Variants in DLG1 observed in about 807,000 individuals in gnomAD.
DLG1 encodes the protein discs large MAGUK scaffold protein 1.
DLG1 carries 42 observed loss-of-function variants against 123.4 expected under a neutral mutation model. That is an observed-to-expected ratio of 0.34 (90% CI 0.27 to 0.44). The LOEUF is 0.44. Among genes scored for constraint, DLG1 ranks in the 20% least tolerant of loss-of-function variants. DLG1 has a pLI of 1.00. For missense variants in DLG1, 942 were observed against 1,082.6 expected (o/e 0.87, Z 1.82); for synonymous variants, 317 against 356.2 (o/e 0.89, Z 1.24).
chr3:197,080,587 G>C (rs1331954483), intron 17 of DLG1: 1 of 151,606 alleles, frequency 6.6e-6, no homozygotes, highest in African/African-American at 2.5e-5. Context: ...TCAGCCTCCC[G>C]AGTAGCTGGG....
intron 3 of DLG1, chr3:197,293,823 C>T (rs1035420796): frequency 2.1e-4 from 33 of 153,794 alleles, no homozygotes; most frequent in African/African-American, 8.0e-4. Context: ...TGACTCCAAA[C>T]AGCTCAGGTG....
chr3:197,112,220 T>C (rs1282825770), intron 13 of DLG1, among the ~76,000 whole-genome samples: 1 of 152,234 alleles, frequency 6.6e-6, no homozygotes, highest in African/African-American at 2.4e-5. Context: ...TACCTATTTT[T>C]ATCTAGGCAT....
At chr3:197,271,401 T>C (rs1340490385) in intron 4 of DLG1, among the ~76,000 whole-genome samples, 1 of 152,202 alleles carries the variant, frequency 6.6e-6, no homozygotes. Flanking sequence ...GGAAGCATCC[T>C]TGTATTAGTT....
At chr3:197,243,605 C>CT (rs140834694) in intron 4 of DLG1, among the ~76,000 whole-genome samples, 66 of 148,780 alleles carry the variant, frequency 4.4e-4, no homozygotes, top group South Asian at 1.7e-3. Context: ...GACTCCACCT[C>CT]TTTTTTTTTT....
At chr3:197,109,343 G>A (rs983507534) in intron 13 of DLG1, among the ~76,000 whole-genome samples, 9 of 152,186 alleles carry the variant, frequency 5.9e-5, no homozygotes, top group Non-Finnish European at 1.2e-4. Context: ...TCCAGCCTGG[G>A]GGACAGAGTG....
intron 24 of DLG1, among the ~76,000 whole-genome samples, chr3:197,047,541 G>A (rs1351131638): frequency 3.3e-5 from 5 of 150,908 alleles, no homozygotes; most frequent in African/African-American, 1.2e-4. Context: ...ACTTGAGGAG[G>A]AAGTTAAAGG....
intron 5 of DLG1, among the ~76,000 whole-genome samples, chr3:197,170,666 A>T (rs986057069): frequency 3.3e-5 from 5 of 151,962 alleles, no homozygotes; most frequent in African/African-American, 1.2e-4. Context: ...GTTTGCAAAA[A>T]TTTTCTTCCA....
chr3:197,046,702 T>A (rs1202420398), intron 24 of DLG1, among the ~76,000 whole-genome samples: 1 of 152,016 alleles, frequency 6.6e-6, no homozygotes, highest in African/African-American at 2.4e-5. Context: ...AAATCCTGTC[T>A]CTACAAAAAA....
At chr3:197,202,580 A>C (rs1417826019) in intron 4 of DLG1, among the ~76,000 whole-genome samples, 1 of 152,228 alleles carries the variant, frequency 6.6e-6, no homozygotes, top group African/African-American at 2.4e-5. Context: ...CAGAAATACA[A>C]ATAAACTTTT....
chr3:197,105,087 A>G (rs1489994772), intron 13 of DLG1, 82 bp from the exon 14 acceptor site: 6 of 854,398 alleles, frequency 7.0e-6, no homozygotes, highest in Non-Finnish European at 1.1e-5. Context: ...TTGAGTAAGC[A>G]TGTATTAAAA....
At chr3:197,196,291 C>A (rs576468579) in intron 4 of DLG1, among the ~76,000 whole-genome samples, 2 of 151,650 alleles carry the variant, frequency 1.3e-5, no homozygotes, top group Admixed American at 6.6e-5. Flanking sequence ...TACAATCACA[C>A]GGAAAACATC....
chr3:197,055,110 T>C (rs1306072674), intron 23 of DLG1, among the ~76,000 whole-genome samples: 10 of 152,048 alleles, frequency 6.6e-5, no homozygotes, highest in African/African-American at 2.4e-4. Context: ...CCACTGCGTC[T>C]GGCCAATTTT....
intron 3 of DLG1, among the ~76,000 whole-genome samples, chr3:197,289,968 A>G (rs911805418): frequency 1.3e-5 from 2 of 152,216 alleles, no homozygotes; most frequent in Non-Finnish European, 2.9e-5. Flanking sequence ...AGAGCTTCTC[A>G]GAGAAATGGC....
intron 5 of DLG1, among the ~76,000 whole-genome samples, chr3:197,184,696 A>G (rs1450143199): frequency 6.6e-6 from 1 of 152,240 alleles, no homozygotes; most frequent in Admixed American, 6.5e-5. Flanking sequence ...TTTTATAAAC[A>G]TTCATATTAC....
At chr3:197,059,749 C>T in intron 23 of DLG1, 140 bp downstream of exon 23, 1 of 500,382 alleles carries the variant, frequency 2.0e-6, no homozygotes, top group East Asian at 3.3e-5. Context: ...ATTTAATCCT[C>T]ACCACATAAT....
At chr3:197,227,270 C>T (rs565668626) in intron 4 of DLG1, among the ~76,000 whole-genome samples, 16 of 152,134 alleles carry the variant, frequency 1.1e-4, no homozygotes, top group Non-Finnish European at 1.0e-4. Context: ...GTCAGGAGTT[C>T]GAGACCAGCC....
intron 10 of DLG1, among the ~76,000 whole-genome samples, chr3:197,135,381 T>A (rs1288938986): frequency 6.6e-6 from 1 of 152,148 alleles, no homozygotes; most frequent in African/African-American, 2.4e-5. Context: ...TCATGAGATG[T>A]GATTGTTTTA....
chr3:197,079,190 AAGAG>A (rs1309583715), intron 17 of DLG1, among the ~76,000 whole-genome samples: 1 of 152,276 alleles, frequency 6.6e-6, no homozygotes, highest in South Asian at 2.1e-4. Flanking sequence ...GCTATATCGC[AAGAG>A]AGACAGTGTA....
At chr3:197,131,743 G>A (rs1431828280) in intron 10 of DLG1, among the ~76,000 whole-genome samples, 4 of 150,268 alleles carry the variant, frequency 2.7e-5, no homozygotes, top group Non-Finnish European at 5.9e-5. Flanking sequence ...ACAGGCGCCC[G>A]CCACTACGCC....
Sources: allele counts gnomAD v4.1 joint callset (sites outside exome capture counted in the v4.1 genomes callset), GRCh38; gene constraint gnomAD v4.1.1; transcripts MANE v1.5; gene names NCBI Gene and HGNC (gene_info 2026-07-23, HGNC 2026-07-21).